Variants in FUT8 observed in about 807,000 individuals in gnomAD.
FUT8 encodes the protein alpha-(1,6)-fucosyltransferase.
A neutral mutation model predicts 71.3 loss-of-function variants in FUT8; 29 were observed. The ratio of observed to expected loss-of-function variants is 0.41; its 90% CI spans 0.30 to 0.55. The LOEUF (loss-of-function observed/expected upper bound fraction) is 0.55, where lower values mean the gene tolerates loss of function less well. Among genes scored for constraint, FUT8 ranks in the 20% least tolerant of loss-of-function variants. FUT8 has a pLI of 0.34. For missense variants in FUT8, 544 were observed against 702.1 expected (o/e 0.77, Z 2.55); for synonymous variants, 254 against 239.3 (o/e 1.06, Z -0.57).
the FUT8 span, among the ~76,000 whole-genome samples, chr14:65,372,934 A>G: frequency 6.6e-6 from 1 of 152,282 alleles, no homozygotes; most frequent in East Asian, 1.9e-4. Flanking sequence ...CTGTATGAGA[A>G]TGAGGCACTA....
chr14:65,423,510 C>T (rs981255499), intron 1 of FUT8, among the ~76,000 whole-genome samples: 4 of 152,148 alleles, frequency 2.6e-5, no homozygotes, highest in Non-Finnish European at 4.4e-5. Context: ...GATCCGCCTG[C>T]CTCGGCCTCC....
At chr14:65,561,974 C>T (rs140336351) in intron 3 of FUT8, among the ~76,000 whole-genome samples, 63 of 152,208 alleles carry the variant, frequency 4.1e-4, no homozygotes, top group African/African-American at 1.4e-3. Context: ...TGACCCAGAA[C>T]AGCTTTGAAT....
chr14:65,638,615 A>G lies in FUT8; in HGVS notation c.597+9009A>G, dbSNP rs11851934. Among the ~76,000 whole-genome samples, 9,225 of 152,208 alleles carry G rather than the reference A, an allele frequency of 0.061. 323 individuals carry two copies. Among genetic ancestry groups the G allele is most frequent in the Admixed American group, 0.11 (1,697 of 15,278 alleles). On this transcript the variant is annotated intron_variant, in intron 6 of 10. Coordinates refer to ENST00000673929, the MANE Select transcript of FUT8 (RefSeq NM_001371533.1). The surrounding 1 kb of genome is among the most constrained non-coding windows in gnomAD (Gnocchi z 4.5). ...TAAGGGGAATGTTAATGCTGGGGAT[A>G]CATTATTGAGGCTATTAAACATACA...
chr14:65,629,120 A>G (rs1419131627), intron 5 of FUT8, among the ~76,000 whole-genome samples: 1 of 152,224 alleles, frequency 6.6e-6, no homozygotes, highest in African/African-American at 2.4e-5. Flanking sequence ...ATGATAGTAG[A>G]GAGAACCAAG....
intron 5 of FUT8, among the ~76,000 whole-genome samples, chr14:65,621,296 C>T (rs1889595218): frequency 6.6e-6 from 1 of 151,704 alleles, no homozygotes; most frequent in Non-Finnish European, 1.5e-5. Context: ...TGTTGCCAGG[C>T]TGGAGTGCAG....
chr14:65,525,400 G>A (rs1883384155), intron 2 of FUT8, among the ~76,000 whole-genome samples: 1 of 152,066 alleles, frequency 6.6e-6, no homozygotes, highest in African/African-American at 2.4e-5. Context: ...CTGTGGGATT[G>A]GTGATGATAT....
intron 2 of FUT8, among the ~76,000 whole-genome samples, chr14:65,458,402 G>C (rs2065925555): frequency 6.6e-6 from 1 of 152,172 alleles, no homozygotes; most frequent in Non-Finnish European, 1.5e-5. Flanking sequence ...GGAAAAGTCA[G>C]TTTAAACTTT....
At chr14:65,595,602 C>CTTTTTTTTTTTT (rs34129010) in intron 3 of FUT8, among the ~76,000 whole-genome samples, 1 of 81,724 alleles carries the variant, frequency 1.2e-5, no homozygotes, top group Non-Finnish European at 2.2e-5. Flanking sequence ...ACACCATTCT[C>CTTTTTTTTTTTT]TTTTTTTTTT....
the FUT8 span, among the ~76,000 whole-genome samples, chr14:65,392,174 C>G: frequency 6.6e-6 from 1 of 152,246 alleles, no homozygotes; most frequent in East Asian, 1.9e-4. Flanking sequence ...TCAGGTGATC[C>G]GCCTGCCTCG....
the FUT8 span, among the ~76,000 whole-genome samples, chr14:65,381,768 C>A: frequency 3.9e-5 from 6 of 152,182 alleles, no homozygotes; most frequent in Non-Finnish European, 8.8e-5. Context: ...CCAATAACTT[C>A]TTCTCTACTG....
intron 2 of FUT8, among the ~76,000 whole-genome samples, chr14:65,515,483 A>T (rs1456762097): frequency 6.6e-6 from 1 of 151,866 alleles, no homozygotes; most frequent in Non-Finnish European, 1.5e-5. Context: ...ATCTTAGGTA[A>T]CTTCAGATTT....
chr14:65,725,186 G>C (rs1453537684), intron 9 of FUT8, among the ~76,000 whole-genome samples: 1 of 152,138 alleles, frequency 6.6e-6, no homozygotes, highest in Admixed American at 6.5e-5. Flanking sequence ...TGTAAGTTGA[G>C]GAATAAAGAC....
intron 3 of FUT8, among the ~76,000 whole-genome samples, chr14:65,570,420 G>A (rs755893086): frequency 8.6e-5 from 13 of 151,242 alleles, no homozygotes; most frequent in Non-Finnish European, 1.2e-4. Context: ...TTTTTTTCTG[G>A]GAGTGGTGGG....
At chr14:65,687,063 A>G (rs777582764) in intron 7 of FUT8, among the ~76,000 whole-genome samples, 42 of 152,202 alleles carry the variant, frequency 2.8e-4, no homozygotes, top group Admixed American at 1.2e-3. Context: ...TTAGTTGGTT[A>G]GAGGTTTCCT....
At chr14:65,400,994 C>T in the FUT8 span, among the ~76,000 whole-genome samples, 1 of 152,188 alleles carries the variant, frequency 6.6e-6, no homozygotes, top group Non-Finnish European at 1.5e-5. Flanking sequence ...ACTTATATAA[C>T]TCATAACTTC....
chr14:65,398,306 C>T, the FUT8 span, among the ~76,000 whole-genome samples: 7 of 152,046 alleles, frequency 4.6e-5, no homozygotes, highest in African/African-American at 1.7e-4. Flanking sequence ...GTCACCACAC[C>T]CTGCTAATTT....
At chr14:65,433,653 TGA>T in intron 1 of FUT8, among the ~76,000 whole-genome samples, 1 of 152,222 alleles carries the variant, frequency 6.6e-6, no homozygotes, top group Non-Finnish European at 1.5e-5. Flanking sequence ...ATTTAAAACC[TGA>T]TATAATTTGC....
chr14:65,615,811 C>T (rs576089221), intron 3 of FUT8, among the ~76,000 whole-genome samples, 167 bp from the exon 4 acceptor site: 23 of 152,330 alleles, frequency 1.5e-4, no homozygotes, highest in Admixed American at 3.9e-4. Context: ...GTCCATTTCA[C>T]TGGTTAATCC....
At chr14:65,407,092 C>T (rs918651227), upstream of FUT8, among the ~76,000 whole-genome samples, 1 of 152,148 alleles carries the variant, frequency 6.6e-6, no homozygotes, top group Non-Finnish European at 1.5e-5. Context: ...GACCTTCAAA[C>T]TGGGGGGCCA....
Sources: allele counts gnomAD v4.1 joint callset (sites outside exome capture counted in the v4.1 genomes callset), GRCh38; gene constraint gnomAD v4.1.1; non-coding constraint Gnocchi (gnomAD v3.1); transcripts MANE v1.5; gene names NCBI Gene and HGNC (gene_info 2026-07-23, HGNC 2026-07-21).